The following HERC2 variants were observed in gnomAD, a reference collection of about 807,000 sequenced individuals.
HERC2 encodes the protein E3 ubiquitin-protein ligase HERC2.
A neutral mutation model predicts 537.7 loss-of-function variants in HERC2; 102 were observed. That is an observed-to-expected ratio of 0.19 (90% CI 0.16 to 0.22). HERC2 has a LOEUF of 0.22. HERC2 is among the 10% of genes least tolerant of loss of function. HERC2 has a pLI of 1.00. For missense variants in HERC2, 4,236 were observed against 6,198.2 expected, an observed-to-expected ratio of 0.68 and a Z score of 10.63; for synonymous variants, 2,224 against 2,466.2, an observed-to-expected ratio of 0.90 and a Z score of 2.91.
intron 85 of HERC2, 114 bp from the exon 86 acceptor site, chr15:28,121,543 A>G: frequency 1.2e-6 from 1 of 833,050 alleles, no homozygotes; most frequent in Non-Finnish European, 2.0e-6. Flanking sequence ...TTAAGGACAG[A>G]AAACTGCCAG....
chr15:28,224,453 C>A (rs925723674), intron 35 of HERC2, among the ~76,000 whole-genome samples: 2 of 152,182 alleles, frequency 1.3e-5, no homozygotes, highest in African/African-American at 4.8e-5. Flanking sequence ...AACTCCTGAG[C>A]TCAAGCGACC....
In HERC2 at chr15:28,198,507, C is replaced by T. The variant is rs370732893; in HGVS notation, c.7886-4G>A. The stretch of plus-strand genomic sequence containing the variant: ...GAAGAACTTGGTGGAGGATAGCCTA[C>T]AGATGTCAATAACAAATCATTATAA... On this transcript the variant is annotated splice_region_variant and splice_polypyrimidine_tract_variant and intron_variant, in intron 49 of 92. Coordinates refer to ENST00000261609, the MANE Select transcript of HERC2 (RefSeq NM_004667.6). The T allele has an allele frequency of 6.8e-6, 11 of 1,613,478 alleles. No homozygotes were observed. The highest frequency in any genetic ancestry group is 9.3e-6 in the Non-Finnish European group (11 of 1,179,898).
intron 89 of HERC2, 128 bp from the exon 90 acceptor site, chr15:28,114,930 G>A (rs1888048843): frequency 1.4e-6 from 1 of 691,582 alleles, no homozygotes; most frequent in South Asian, 1.8e-5. Flanking sequence ...GAGGCTGCAA[G>A]TGCATGGCAC....
intron 69 of HERC2, among the ~76,000 whole-genome samples, chr15:28,153,336 C>T (rs1208589649): frequency 8.0e-5 from 12 of 150,908 alleles, no homozygotes; most frequent in South Asian, 4.2e-4. Context: ...CTGGGTGACC[C>T]GAGCGAGACT....
At chr15:28,156,330 T>C (rs1308853564) in intron 69 of HERC2, among the ~76,000 whole-genome samples, 1 of 152,238 alleles carries the variant, frequency 6.6e-6, no homozygotes, top group Non-Finnish European at 1.5e-5. Flanking sequence ...GGGGATGGCA[T>C]TGAATCTATA....
chr15:28,153,613 T>G (rs577645477), intron 69 of HERC2, among the ~76,000 whole-genome samples: 2 of 152,208 alleles, frequency 1.3e-5, no homozygotes, highest in South Asian at 4.1e-4. Context: ...ACTGCACCAC[T>G]GCACTCCAGC....
chr15:28,226,316 T>C (rs916242142), intron 35 of HERC2, among the ~76,000 whole-genome samples: 5 of 152,008 alleles, frequency 3.3e-5, no homozygotes, highest in Non-Finnish European at 7.3e-5. Context: ...GGACCCAAAG[T>C]AGCCAAAATC....
chr15:28,132,785 T>G lies in HERC2; in HGVS notation c.12276A>C (p.Glu4092Asp), dbSNP rs1890238026. 1.2e-6 allele frequency: 2 copies of G among 1,601,724 alleles called. No homozygotes were observed. Among genetic ancestry groups the G allele is most frequent in the Non-Finnish European group, 1.7e-6 (2 of 1,174,296 alleles). The stretch of plus-strand genomic sequence containing the variant: ...CTCCGCCAGCAGCAACATCGACCAC[T>G]TCAATTCCTCTCAGAGACTCGATGA... ...PRVIESLRGI[E>D]VVDVAAGGAH... The change falls in exon 80 of 93, where the codon GAA becomes GAC. Residue 4092 changes from glutamate (E) to aspartate (D), a missense_variant. Around this residue, in one of 27 missense-constraint regions of HERC2, gnomAD observed 94 missense variants for 137.4 expected, o/e 0.68. Transcript: ENST00000261609.
At chr15:28,145,516 C>G (rs1273002752) in intron 71 of HERC2, among the ~76,000 whole-genome samples, 1 of 152,234 alleles carries the variant, frequency 6.6e-6, no homozygotes, top group Non-Finnish European at 1.5e-5. Context: ...GAAAAACCCA[C>G]GCCCACTGGG....
At chr15:28,220,988 TCA>T (rs538115845) in intron 36 of HERC2, among the ~76,000 whole-genome samples, 72 of 140,760 alleles carry the variant, frequency 5.1e-4, no homozygotes, top group African/African-American at 1.8e-3. Context: ...CCACCAGACC[TCA>T]GTTAGGAGGG....
chr15:28,135,795 T>C (rs1890573739), intron 78 of HERC2, 103 bp from the exon 79 acceptor site: 2 of 816,152 alleles, frequency 2.5e-6, no homozygotes, highest in Admixed American at 2.9e-5. Context: ...TTTTACCACA[T>C]AGAAATAAAA....
intron 23 of HERC2, among the ~76,000 whole-genome samples, chr15:28,245,630 T>G (rs1408759888): frequency 6.6e-6 from 1 of 150,736 alleles, no homozygotes; most frequent in Non-Finnish European, 1.5e-5. Context: ...CACACATATA[T>G]GTACACACAT....
chr15:28,197,589 T>C (rs1427132268), intron 50 of HERC2, among the ~76,000 whole-genome samples: 2 of 151,802 alleles, frequency 1.3e-5, no homozygotes, highest in Non-Finnish European at 1.5e-5. Flanking sequence ...CCATCTCTAC[T>C]AAAAATACAA....
rs1309725083 is a variant in HERC2 at position 28,176,183 on chromosome 15, A to C, written c.9686+245T>G. Among the ~76,000 whole-genome samples the C allele has an allele frequency of 6.6e-6, 1 of 152,236 alleles. No individual in the cohort carries two copies. ...GAAACCGTTCCCATAAATCTCACCC[A>C]AACAGGAAAGGTAAGTGGCCTAAAA... is the stretch of plus-strand genomic sequence containing the variant. On this transcript the variant is annotated intron_variant, in intron 63 of 92. Coordinates refer to ENST00000261609, the MANE Select transcript of HERC2 (RefSeq NM_004667.6). This position sits in a 1 kb window ranked among gnomAD's most constrained non-coding sequence, Gnocchi z 5.0.
In HERC2 at chr15:28,230,601, A is replaced by C. The variant is rs1204181848; in HGVS notation, c.4676-101T>G. On this transcript the variant is annotated intron_variant, in intron 30 of 92. Transcript: ENST00000261609. ...TACATGAAGGACAAATATCTCATTC[A>C]AATAAACATCTGAACAACATTATAA... 7.5e-6 allele frequency: 6 copies of C among 795,536 alleles called. No individual in the cohort carries two copies. In the East Asian group the frequency reaches 1.1e-4, roughly 14 times the overall value. 49.3% of individuals were successfully genotyped at this position (795,536 alleles called of 1,614,324 possible). A position where few individuals can be genotyped will look rare whatever the true frequency, so the allele number is the denominator to read the frequency against.
intron 35 of HERC2, among the ~76,000 whole-genome samples, 196 bp from the exon 36 acceptor site, chr15:28,222,411 A>C (rs192627690): frequency 0.047 from 7,155 of 152,124 alleles, 580 homozygotes; most frequent in African/African-American, 0.17. Context: ...GAAATACATA[A>C]ATATCCTAGG....
At position 28,111,687 on chromosome 15, in the gene HERC2, C is replaced by A. The variant is rs1887659881; in HGVS notation, c.*76G>T. 6.7e-7 allele frequency: 1 copy of A among 1,490,914 alleles called. No individual in the cohort carries two copies. The highest frequency in any genetic ancestry group is 9.2e-7 in the Non-Finnish European group (1 of 1,088,742). 92.4% of individuals were successfully genotyped at this position (1,490,914 alleles called of 1,614,324 possible). The stretch of plus-strand genomic sequence containing the variant: ...GACGCTTCTCATCAGACACACCAGG[C>A]AGCCTACAGTCTACACAGCAGCGAG... On this transcript the variant is annotated 3_prime_UTR_variant, in exon 93 of 93. Coordinates refer to ENST00000261609, the MANE Select transcript of HERC2 (RefSeq NM_004667.6).
At chr15:28,226,160 T>C (rs1288814163) in intron 35 of HERC2, among the ~76,000 whole-genome samples, 1 of 152,216 alleles carries the variant, frequency 6.6e-6, no homozygotes, top group Non-Finnish European at 1.5e-5. Flanking sequence ...TGGAAAGACA[T>C]TCCACATTCA....
chr15:28,296,129 A>T (rs181160345), intron 3 of HERC2, among the ~76,000 whole-genome samples: 3 of 152,300 alleles, frequency 2.0e-5, no homozygotes, highest in Admixed American at 2.0e-4. Context: ...ATAAAAAACA[A>T]TTATGCTCTG....
Sources: gnomAD v4.1 joint callset for allele counts (sites outside exome capture counted in the v4.1 genomes callset) on GRCh38, gnomAD v4.1.1 for gene constraint, gnomAD v4.1.1 regional missense constraint, Gnocchi (gnomAD v3.1) non-coding constraint, MANE v1.5 for transcripts, NCBI Gene and HGNC (gene_info 2026-07-23, HGNC 2026-07-21) for gene names.